DOCK11: variants seen among roughly 807,000 people sequenced by gnomAD.
DOCK11 encodes the protein dedicator of cytokinesis 11, also known as dedicator of cytokinesis protein 11.
DOCK11 carries 70 observed loss-of-function variants against 169.1 expected under a neutral mutation model. The ratio of observed to expected loss-of-function variants is 0.41; its 90% CI spans 0.34 to 0.51. The LOEUF (loss-of-function observed/expected upper bound fraction) is 0.51, where lower values mean the gene tolerates loss of function less well. DOCK11 is among the 20% of genes least tolerant of loss of function. DOCK11 has a pLI of 0.10. For synonymous variants in DOCK11, 529 were observed against 541.3 expected (o/e 0.98, Z 0.32); for missense variants, 1,166 against 1,538.8 (o/e 0.76, Z 4.05).
At chrX:118,512,491 T>G (rs1483366436) in intron 1 of DOCK11, among the ~76,000 whole-genome samples, 1 of 112,069 alleles carries the variant, frequency 8.9e-6, no homozygotes, top group Admixed American at 9.5e-5. Context: ...GAGTAGATAC[T>G]TATTCAGGGG....
intron 31 of DOCK11, among the ~76,000 whole-genome samples, chrX:118,620,376 T>G (rs1043116303): frequency 8.9e-6 from 1 of 112,207 alleles, no homozygotes; most frequent in African/African-American, 3.2e-5. Context: ...ATTCTTTTTC[T>G]ACGGTATTCC....
At chrX:118,498,350 A>C (rs906481992) in intron 1 of DOCK11, among the ~76,000 whole-genome samples, 2 of 112,864 alleles carry the variant, frequency 1.8e-5, no homozygotes, top group African/African-American at 6.4e-5. Flanking sequence ...TCAATAGGAC[A>C]CCCAGATTAT....
intron 6 of DOCK11, among the ~76,000 whole-genome samples, chrX:118,556,744 G>A (rs2012709688): frequency 2.0e-5 from 2 of 98,452 alleles, no homozygotes; most frequent in African/African-American, 3.6e-5. Flanking sequence ...GCAACAGAGC[G>A]TGGCTCTGTC....
At chrX:118,535,099 G>T (rs2011707096) in intron 1 of DOCK11, among the ~76,000 whole-genome samples, 1 of 112,463 alleles carries the variant, frequency 8.9e-6, no homozygotes, top group Non-Finnish European at 1.9e-5. Context: ...TGGTAAGAAT[G>T]ATAGCGTAGT....
rs985101034 is a variant in DOCK11, at chrX:118,663,225, A to G, written c.5076+433A>G. 8.0e-5 allele frequency among the ~76,000 whole-genome samples: 9 copies of G among 112,670 alleles called. No homozygotes were observed. The East Asian group carries it at 2.5e-3, about 31-fold the overall frequency. On this transcript the variant is annotated intron_variant, in intron 45 of 52. Coordinates refer to ENST00000276202, the MANE Select transcript of DOCK11 (RefSeq NM_144658.4). ...AAGATTTATTGAACATTGACTTAAC[A>G]GCAAGGCCTTGGACTTGGTGACCTA...
intron 31 of DOCK11, among the ~76,000 whole-genome samples, chrX:118,619,772 T>A (rs1206598034): frequency 1.8e-5 from 2 of 109,426 alleles, no homozygotes; most frequent in African/African-American, 6.6e-5. Flanking sequence ...TGTCTATGAG[T>A]AACGGTCACA....
intron 35 of DOCK11, among the ~76,000 whole-genome samples, chrX:118,634,784 A>G (rs1018894281): frequency 4.5e-5 from 5 of 112,127 alleles, no homozygotes; most frequent in African/African-American, 1.3e-4. Context: ...GCTGGAGAGC[A>G]GTGGCGCGAT....
chrX:118,566,021 G>A lies in DOCK11; in HGVS notation c.710G>A (p.Arg237His), dbSNP rs1282547776. ...IDVVQCPKMR[R>H]HAFELKMLDK... Reference sequence around the variant, plus strand: ...CCCCTCTAGTGCCCCAAAATGCGCCGTCATGCTTTTGAACTCAAGATGTTA... The same window carrying A: ...CCCCTCTAGTGCCCCAAAATGCGCCATCATGCTTTTGAACTCAAGATGTTA... Residue 237 changes from arginine to histidine, a missense_variant, in exon 8 of 53, where the codon CGT becomes CAT. Coordinates refer to ENST00000276202, the MANE Select transcript of DOCK11 (RefSeq NM_144658.4). The A allele has an allele frequency of 4.1e-6, 5 of 1,210,809 alleles. No individual in the cohort carries two copies. Among genetic ancestry groups the A allele is most frequent in the East Asian group, 5.9e-5 (2 of 33,820 alleles).
Position 118,542,948 on chromosome X carries a change from G to A in DOCK11, c.242G>A (p.Arg81His), listed in dbSNP as rs367556830. The A allele has an allele frequency of 5.0e-6, 6 of 1,207,766 alleles. No homozygotes were observed. The highest frequency in any genetic ancestry group is 1.8e-5 in the African/African-American group (1 of 56,595). The change falls in exon 3 of 53, where the codon CGC (arginine) becomes CAC (histidine). Residue 81 changes from arginine to histidine, a missense_variant. Transcript: ENST00000276202. ...TAGATCTCGGTGATAGGTCGTCAAC[G>A]CAGAACGGTGCAGTCTACTGTACCA... ...DISISVIGRQRRTVQSTVPED... is the reference protein window; with the variant it reads ...DISISVIGRQHRTVQSTVPED...
intron 6 of DOCK11, among the ~76,000 whole-genome samples, chrX:118,553,177 TTC>T (rs1244130800): frequency 1.8e-5 from 2 of 111,738 alleles, no homozygotes; most frequent in Non-Finnish European, 3.8e-5. Flanking sequence ...TTCATTTACA[TTC>T]TCTCTTTCCC....
Position 118,558,303 on chromosome X carries a change from C to A in DOCK11, c.559-3080C>A, listed in dbSNP as rs752422418. 4.5e-5 allele frequency among the ~76,000 whole-genome samples: 5 copies of A among 110,800 alleles called. No individual in the cohort carries two copies. The South Asian group carries it at 1.9e-3, about 42-fold the overall frequency. Reference sequence around the variant, plus strand: ...TGTGAATTTGAATGAGCTCTTGATCCCTCAGTTTGCTGTTAGGTAAAATGT... The same window carrying A: ...TGTGAATTTGAATGAGCTCTTGATCACTCAGTTTGCTGTTAGGTAAAATGT... On this transcript the variant is annotated intron_variant, in intron 6 of 52. Transcript: ENST00000276202.
At chrX:118,666,703 T>C (rs2016346124) in intron 45 of DOCK11, among the ~76,000 whole-genome samples, 1 of 112,080 alleles carries the variant, frequency 8.9e-6, no homozygotes, top group South Asian at 3.7e-4. Context: ...TGTTGACATA[T>C]GCTTTTTTTC....
Position 118,568,100 on chromosome X carries a change from C to T in DOCK11, c.973C>T (p.Leu325=), listed in dbSNP as rs1430366904. Residue 325 remains leucine (L), a synonymous_variant, in exon 10 of 53, where the codon CTA becomes TTA. Transcript: ENST00000276202. ...LMKYGRETEQ[L]NKLSRGDGRQ... ...TTAGTATGGAAGAGAAACTGAACAA[C>T]TAAACAAACTCAGTAGAGGAGATGG... 3 of 1,152,747 alleles carry T rather than the reference C, an allele frequency of 2.6e-6. No homozygotes were observed. The African/African-American group carries it at 5.5e-5, about 21-fold the overall frequency. The allele number at this position is 1,152,747 out of a possible 1,213,427, so 95.0% of individuals were successfully genotyped here.
At chrX:118,597,280 C>T (rs1367569812) in intron 20 of DOCK11, 151 bp from the exon 21 acceptor site, 2 of 655,350 alleles carry the variant, frequency 3.1e-6, no homozygotes, top group East Asian at 3.4e-5. Context: ...CCCATTGTTC[C>T]TTCCCCAGTA....
At position 118,533,842 on chromosome X, in the gene DOCK11, A is replaced by G. The variant is rs113989421; in HGVS notation, c.103-8883A>G. On this transcript the variant is annotated intron_variant, in intron 1 of 52. Transcript: ENST00000276202. The stretch of plus-strand genomic sequence containing the variant: ...TAAGGTGAGCACTAAGATCTGAGGC[A>G]GGTTATAAAATAGTTGATAGGCATA... Among the ~76,000 whole-genome samples, 14 of 112,383 alleles carry G rather than the reference A, an allele frequency of 1.2e-4. No individual in the cohort carries two copies. In the South Asian group the frequency reaches 1.5e-3, roughly 12 times the overall value.
At chrX:118,576,648 AGTGCAGCGTAGCAG>A (rs1385824717) in intron 12 of DOCK11, among the ~76,000 whole-genome samples, 3 of 112,351 alleles carry the variant, frequency 2.7e-5, no homozygotes, top group Non-Finnish European at 5.6e-5. Flanking sequence ...GGGTTAGCGC[AGTGCAGCGTAGCAG>A]CCAGGAGTAG....
At chrX:118,643,343 A>G (rs1206030904) in intron 39 of DOCK11, 114 bp from the exon 40 acceptor site, 1 of 766,070 alleles carries the variant, frequency 1.3e-6, no homozygotes, top group Non-Finnish European at 1.9e-6. Flanking sequence ...AATTATATGC[A>G]AGAGCCTTTT....
intron 28 of DOCK11, among the ~76,000 whole-genome samples, chrX:118,610,634 A>G (rs1301067481): frequency 8.9e-6 from 1 of 112,043 alleles, no homozygotes; most frequent in Non-Finnish European, 1.9e-5. Flanking sequence ...CCTTTTGGGT[A>G]TACATCTAAG....
intron 30 of DOCK11, chrX:118,616,363 TTTAG>T (rs2014812870): frequency 2.4e-6 from 1 of 409,986 alleles, no homozygotes; most frequent in Admixed American, 4.9e-5. Context: ...AAAATGAGGC[TTTAG>T]TTAAAGTACC....
Sources: gnomAD v4.1 joint callset for allele counts (sites outside exome capture counted in the v4.1 genomes callset) on GRCh38, gnomAD v4.1.1 for gene constraint, MANE v1.5 for transcripts, NCBI Gene and HGNC (gene_info 2026-07-23, HGNC 2026-07-21) for gene names.